The following CDK14 variants were observed in gnomAD, a reference collection of about 807,000 sequenced individuals.
CDK14 encodes cyclin-dependent kinase 14.
A neutral mutation model predicts 60.7 loss-of-function variants in CDK14; 34 were observed. The ratio of observed to expected loss-of-function variants is 0.56; its 90% CI spans 0.43 to 0.75. The LOEUF is 0.75. Ranked by LOEUF, CDK14 falls within the 30% of genes least tolerant of loss-of-function variation. The pLI is 0.00. For synonymous variants in CDK14, 197 were observed against 203.7 expected (o/e 0.97, Z 0.28); for missense variants, 482 against 564.1 (o/e 0.85, Z 1.47).
intron 2 of CDK14, among the ~76,000 whole-genome samples, chr7:90,723,442 G>A (rs950166881): frequency 1.3e-5 from 2 of 152,090 alleles, no homozygotes. Flanking sequence ...TTCTGCACAG[G>A]TGCCTCTCCA....
rs976669192 is a variant in CDK14 at position 90,622,032 on chromosome 7, G to T, written c.123+17783G>T. ...TGATTGGGTTACATTTACTTGAATT[G>T]TGTAACTTTTAAGTTGCAAATTAAT... On this transcript the variant is annotated intron_variant, in intron 2 of 14. Transcript: ENST00000380050. Among the ~76,000 whole-genome samples, 8 of 152,322 alleles carry T rather than the reference G, an allele frequency of 5.3e-5. No homozygotes were observed. The East Asian group carries it at 5.8e-4, about 11-fold the overall frequency.
chr7:90,854,758 C>T (rs946195206), intron 5 of CDK14, among the ~76,000 whole-genome samples: 5 of 151,574 alleles, frequency 3.3e-5, no homozygotes, highest in East Asian at 1.9e-4. Context: ...AACTGCCTAA[C>T]GGCTTTTAAA....
chr7:91,010,954 TGTTCTTAAA>T (rs1285027143), intron 10 of CDK14, among the ~76,000 whole-genome samples: 1 of 151,176 alleles, frequency 6.6e-6, no homozygotes, highest in Non-Finnish European at 1.5e-5. Context: ...ATTCTTGCAT[TGTTCTTAAA>T]CTCAGGTGAA....
At chr7:90,635,940 G>A (rs1584757272) in intron 2 of CDK14, among the ~76,000 whole-genome samples, 1 of 152,074 alleles carries the variant, frequency 6.6e-6, no homozygotes, top group South Asian at 2.1e-4. Flanking sequence ...CTGTTTGTCT[G>A]TTACTGATGT....
intron 2 of CDK14, among the ~76,000 whole-genome samples, chr7:90,684,791 A>T (rs1801395985): frequency 6.6e-6 from 1 of 152,120 alleles, no homozygotes; most frequent in Admixed American, 6.6e-5. Context: ...CCGTCCATCC[A>T]TCCATCCATT....
chr7:90,762,957 C>T (rs1196537346), intron 4 of CDK14, among the ~76,000 whole-genome samples: 1 of 152,152 alleles, frequency 6.6e-6, no homozygotes, highest in Admixed American at 6.5e-5. Context: ...CCAGCCTGGG[C>T]AAGAGAGTGA....
At chr7:90,771,173 C>T (rs1328251258) in intron 4 of CDK14, among the ~76,000 whole-genome samples, 4 of 152,202 alleles carry the variant, frequency 2.6e-5, no homozygotes, top group Non-Finnish European at 5.9e-5. Context: ...TTTCTTTCCC[C>T]ATGCAATTGT....
intron 4 of CDK14, among the ~76,000 whole-genome samples, chr7:90,763,757 A>G (rs1656201309): frequency 6.6e-6 from 1 of 152,172 alleles, no homozygotes; most frequent in African/African-American, 2.4e-5. Context: ...CAGCACATGT[A>G]TACATATGTA....
At chr7:91,041,831 C>A (rs1417168790) in intron 10 of CDK14, among the ~76,000 whole-genome samples, 1 of 152,202 alleles carries the variant, frequency 6.6e-6, no homozygotes, top group Non-Finnish European at 1.5e-5. Context: ...TGCAGTCTAG[C>A]CACAGTGTTA....
chr7:91,098,526 A>AG (rs200817882), intron 12 of CDK14, among the ~76,000 whole-genome samples: 1 of 144,316 alleles, frequency 6.9e-6, no homozygotes, highest in East Asian at 2.0e-4. Context: ...AGAAAGAAAG[A>AG]GAAAAAAAAA....
intron 8 of CDK14, among the ~76,000 whole-genome samples, chr7:90,940,654 C>T (rs1207689320): frequency 6.6e-6 from 1 of 151,914 alleles, no homozygotes; most frequent in Admixed American, 6.6e-5. Context: ...GGTGTGGTAG[C>T]ATGTGCCTGT....
At chr7:90,953,136 TA>T (rs995356410) in intron 8 of CDK14, among the ~76,000 whole-genome samples, 1 of 152,144 alleles carries the variant, frequency 6.6e-6, no homozygotes, top group African/African-American at 2.4e-5. Context: ...CAGACATTTT[TA>T]GGGTAAAAAT....
At chr7:90,977,073 T>TG (rs1289845431) in intron 9 of CDK14, among the ~76,000 whole-genome samples, 2 of 152,182 alleles carry the variant, frequency 1.3e-5, no homozygotes, top group African/African-American at 4.8e-5. Context: ...TTGGGCCTTA[T>TG]GTTTAAGTCT....
intron 9 of CDK14, among the ~76,000 whole-genome samples, chr7:90,981,738 A>G (rs1013751860): frequency 2.6e-5 from 4 of 152,104 alleles, no homozygotes; most frequent in South Asian, 4.1e-4. Flanking sequence ...TGCAAGAAAC[A>G]TAAACCCATT....
At chr7:91,157,577 T>G (rs1163735017) in intron 14 of CDK14, among the ~76,000 whole-genome samples, 1 of 152,236 alleles carries the variant, frequency 6.6e-6, no homozygotes. Context: ...CGGAGTTAAC[T>G]GTCCTGGTTT....
chr7:90,705,642 G>A (rs1474815353), intron 2 of CDK14, among the ~76,000 whole-genome samples: 1 of 150,010 alleles, frequency 6.7e-6, no homozygotes, highest in East Asian at 1.9e-4. Context: ...CTTCTAATAA[G>A]CCTGATTATC....
At chr7:91,090,363 A>G (rs1798765121) in intron 12 of CDK14, among the ~76,000 whole-genome samples, 1 of 152,230 alleles carries the variant, frequency 6.6e-6, no homozygotes, top group Non-Finnish European at 1.5e-5. Context: ...TGCATTGACA[A>G]GAATGTTCGC....
chr7:91,080,707 G>C (rs1297326928), intron 12 of CDK14, among the ~76,000 whole-genome samples: 1 of 152,092 alleles, frequency 6.6e-6, no homozygotes, highest in South Asian at 2.1e-4. Flanking sequence ...TCCTCTCATA[G>C]GAATAAGACA....
At chr7:90,905,952 A>G (rs1295589299) in intron 7 of CDK14, among the ~76,000 whole-genome samples, 1 of 152,160 alleles carries the variant, frequency 6.6e-6, no homozygotes, top group Non-Finnish European at 1.5e-5. Context: ...GAGGCCACTC[A>G]TCTAATTATG....
Sources: allele counts gnomAD v4.1 joint callset (sites outside exome capture counted in the v4.1 genomes callset), GRCh38; gene constraint gnomAD v4.1.1; transcripts MANE v1.5; gene names NCBI Gene and HGNC (gene_info 2026-07-23, HGNC 2026-07-21).